Variants in GMPR observed in about 807,000 individuals in gnomAD.
The protein encoded by GMPR is guanosine monophosphate reductase, also known as GMP reductase 1.
A neutral mutation model predicts 38.4 loss-of-function variants in GMPR; 31 were observed. The ratio of observed to expected loss-of-function variants is 0.81; its 90% CI spans 0.61 to 1.09. GMPR has a LOEUF of 1.09. Among genes scored for constraint, GMPR ranks in the 50% least tolerant of loss-of-function variants. The probability of loss-of-function intolerance (pLI) is 0.00; values close to 1 mark genes in which losing one functional copy is unlikely to be tolerated. For synonymous variants in GMPR, 162 were observed against 173.3 expected (o/e 0.93, Z 0.51); for missense variants, 468 against 453.7 (o/e 1.03, Z -0.29).
At position 16,274,575 on chromosome 6, in the gene GMPR, T is replaced by C. The variant is rs369298282; in HGVS notation, c.547+79T>C. 1.8e-4 allele frequency: 145 copies of C among 801,338 alleles called. No homozygotes were observed. The African/African-American group carries it at 2.1e-3, about 12-fold the overall frequency. The allele number at this position is 801,338 out of a possible 1,614,324, so 49.6% of individuals were successfully genotyped here. ...GGGGCTTGCGGGGACTGCAGATCACTGGAGGGGATGCATGAATGACTCATT... is the reference window on the plus strand; with the variant it reads ...GGGGCTTGCGGGGACTGCAGATCACCGGAGGGGATGCATGAATGACTCATT... On this transcript the variant is annotated intron_variant, in intron 5 of 8. Coordinates refer to ENST00000259727, the MANE Select transcript of GMPR (RefSeq NM_006877.4).
intron 7 of GMPR, chr6:16,290,231 G>C (rs887410073): frequency 1.8e-5 from 10 of 559,170 alleles, no homozygotes; most frequent in African/African-American, 1.7e-4. Context: ...TGGGACACTA[G>C]CCTTCAGTAG....
chr6:16,278,776 C>T lies in GMPR; in HGVS notation c.548-8C>T. ...ATCTATTTGGGGACAACTTCTTTCT[C>T]TGTGCAGGTTCTGTGTGCACCACCC... On this transcript the variant is annotated splice_region_variant and splice_polypyrimidine_tract_variant and intron_variant, in intron 5 of 8. Coordinates refer to ENST00000259727, the MANE Select transcript of GMPR (RefSeq NM_006877.4). 1 of 1,595,592 alleles carries T rather than the reference C, an allele frequency of 6.3e-7. No individual in the cohort carries two copies. The highest frequency in any genetic ancestry group is 8.6e-7 in the Non-Finnish European group (1 of 1,163,106).
At chr6:16,273,939 CT>C (rs1759431778) in intron 4 of GMPR, among the ~76,000 whole-genome samples, 1 of 151,792 alleles carries the variant, frequency 6.6e-6, no homozygotes, top group Non-Finnish European at 1.5e-5. Flanking sequence ...CCTCAGCCTC[CT>C]GAGTAACTAG....
At chr6:16,290,730 G>A in intron 8 of GMPR, 109 bp downstream of exon 8, 2 of 910,890 alleles carry the variant, frequency 2.2e-6, no homozygotes, top group Non-Finnish European at 3.4e-6. Context: ...AAAGTACCGT[G>A]GGAAGGGGTT....
At chr6:16,283,369 A>G (rs1581664431) in intron 6 of GMPR, among the ~76,000 whole-genome samples, 2 of 152,324 alleles carry the variant, frequency 1.3e-5, no homozygotes, top group South Asian at 4.1e-4. Flanking sequence ...CTGGAGCTAC[A>G]CTGCTTCCCG....
chr6:16,259,539 G>T (rs1759041391), intron 4 of GMPR, among the ~76,000 whole-genome samples: 1 of 151,916 alleles, frequency 6.6e-6, no homozygotes, highest in Non-Finnish European at 1.5e-5. Context: ...GTTTCTCAGG[G>T]CTGCTTCGAG....
At chr6:16,242,331 ACT>A (rs1491425545) in intron 1 of GMPR, among the ~76,000 whole-genome samples, 2 of 114,880 alleles carry the variant, frequency 1.7e-5, no homozygotes, top group Admixed American at 8.5e-5. Context: ...GTCACTAATT[ACT>A]TTTTTTTTTT....
At position 16,294,993 on chromosome 6, in the gene GMPR, T is replaced by C; in HGVS notation, c.858-13T>C. On this transcript the variant is annotated splice_polypyrimidine_tract_variant and intron_variant, in intron 8 of 8. Coordinates refer to ENST00000259727, the MANE Select transcript of GMPR (RefSeq NM_006877.4). Reference sequence around the variant, plus strand: ...GGAAACTAGATAAAAAGAAAACTTCTATCGTCTTCCAGAGCCTCTGAGGGT... The same window carrying C: ...GGAAACTAGATAAAAAGAAAACTTCCATCGTCTTCCAGAGCCTCTGAGGGT... 1.2e-6 allele frequency: 2 copies of C among 1,600,228 alleles called. No individual in the cohort carries two copies. Among genetic ancestry groups the C allele is most frequent in the Non-Finnish European group, 8.5e-7 (1 of 1,172,186 alleles).
chr6:16,241,039 G>T (rs1192315289), intron 1 of GMPR, among the ~76,000 whole-genome samples: 1 of 152,050 alleles, frequency 6.6e-6, no homozygotes, highest in Non-Finnish European at 1.5e-5. Flanking sequence ...TTCTCAGTTT[G>T]CTTGTTGATG....
At chr6:16,247,004 T>G in intron 2 of GMPR, 43 bp downstream of exon 2, 2 of 1,596,350 alleles carry the variant, frequency 1.3e-6, no homozygotes, top group Non-Finnish European at 1.7e-6. Flanking sequence ...CTGCTCACAC[T>G]GTGGACAGGT....
At chr6:16,264,725 C>T (rs1759157353) in intron 4 of GMPR, among the ~76,000 whole-genome samples, 1 of 151,952 alleles carries the variant, frequency 6.6e-6, no homozygotes, top group Admixed American at 6.6e-5. Context: ...CCAGGATGAG[C>T]CAGGAGAAGG....
intron 8 of GMPR, among the ~76,000 whole-genome samples, chr6:16,294,050 C>T (rs1487358215): frequency 1.3e-5 from 2 of 152,166 alleles, no homozygotes; most frequent in Non-Finnish European, 2.9e-5. Flanking sequence ...ACCCAAGTAA[C>T]AATCAAGCAG....
At chr6:16,248,570 G>A (rs570658919) in intron 2 of GMPR, among the ~76,000 whole-genome samples, 17 of 152,080 alleles carry the variant, frequency 1.1e-4, no homozygotes, top group Admixed American at 3.3e-4. Context: ...GTGATTCGAC[G>A]GAAAATATTC....
In GMPR at chr6:16,266,584, C is replaced by T. The variant is rs555701399; in HGVS notation, c.466-7831C>T. Among the ~76,000 whole-genome samples, 82 of 151,444 alleles carry T rather than the reference C, an allele frequency of 5.4e-4. 2 individuals are homozygous for T. The highest frequency in any genetic ancestry group is 1.8e-3 in the African/African-American group (75 of 41,370). On this transcript the variant is annotated intron_variant, in intron 4 of 8. Transcript: ENST00000259727. ...TTGGGAGGCCGAGATGGGTGGATCA[C>T]CAGGTCAGGAGATCATAACCATCCT... is the stretch of plus-strand genomic sequence containing the variant.
intron 8 of GMPR, 52 bp from the exon 9 acceptor site, chr6:16,294,954 C>A: frequency 6.8e-7 from 1 of 1,461,734 alleles, no homozygotes; most frequent in Non-Finnish European, 9.5e-7. Flanking sequence ...TAATTGGGCT[C>A]TTAAGGTGGG....
intron 4 of GMPR, chr6:16,262,917 G>A (rs1759114949): frequency 6.6e-6 from 1 of 151,988 alleles, no homozygotes; most frequent in Non-Finnish European, 1.5e-5. Context: ...CTGGGCAGGT[G>A]GGGAGGGCTA....
chr6:16,290,737 G>A, intron 8 of GMPR, 116 bp downstream of exon 8: 1 of 875,966 alleles, frequency 1.1e-6, no homozygotes, highest in East Asian at 2.6e-5. Context: ...CGTGGGAAGG[G>A]GTTCTTTTTA....
chr6:16,267,369 C>T (rs897472394), intron 4 of GMPR, among the ~76,000 whole-genome samples: 1 of 150,024 alleles, frequency 6.7e-6, no homozygotes, highest in Non-Finnish European at 1.5e-5. Flanking sequence ...GACTCCGTCT[C>T]AAAAAACAAA....
chr6:16,261,778 T>C (rs1759089856), intron 4 of GMPR, among the ~76,000 whole-genome samples: 2 of 151,664 alleles, frequency 1.3e-5, no homozygotes, highest in African/African-American at 4.8e-5. Flanking sequence ...TTTAATGAGA[T>C]GGTAAGGGGT....
Sources: allele counts gnomAD v4.1 joint callset (sites outside exome capture counted in the v4.1 genomes callset), GRCh38; gene constraint gnomAD v4.1.1; transcripts MANE v1.5; gene names NCBI Gene and HGNC (gene_info 2026-07-23, HGNC 2026-07-21).